Variants in SNAPC3 observed in about 807,000 individuals in gnomAD.
SNAPC3 encodes small nuclear RNA activating complex polypeptide 3.
In SNAPC3, 56 loss-of-function variants were observed where a neutral mutation model predicts 47.7. The ratio of observed to expected loss-of-function variants is 1.18; its 90% CI spans 0.95 to 1.47. The LOEUF (loss-of-function observed/expected upper bound fraction) is 1.47. Ranked by LOEUF, SNAPC3 falls within the 40% of genes most tolerant of loss-of-function variation. SNAPC3 has a pLI of 0.00. For synonymous variants in SNAPC3, 235 were observed against 189.9 expected (o/e 1.24, Z -1.95); for missense variants, 665 against 511.3 (o/e 1.30, Z -2.90).
Position 15,458,170 on chromosome 9 carries a change from T to A in SNAPC3, c.1088+103T>A, listed in dbSNP as rs1341350652. On this transcript the variant is annotated intron_variant, in intron 8 of 8. Coordinates refer to ENST00000380821, the MANE Select transcript of SNAPC3 (RefSeq NM_001039697.2). ...CTAAGAATATTTGTACTTTAGGTTA[T>A]AAATATGAAGTATCATCTAGTAGGG... The A allele has an allele frequency of 4.9e-6, 3 of 616,762 alleles. No homozygotes were observed. The East Asian group carries it at 9.1e-5, about 19-fold the overall frequency. 38.2% of individuals were successfully genotyped at this position (616,762 alleles called of 1,614,324 possible).
At chr9:15,448,567 T>C (rs2034122177) in intron 5 of SNAPC3, among the ~76,000 whole-genome samples, 1 of 152,222 alleles carries the variant, frequency 6.6e-6, no homozygotes, top group Non-Finnish European at 1.5e-5. Flanking sequence ...TTCAGTATGC[T>C]GATTCAGTGT....
At chr9:15,446,642 T>G (rs2033954185) in intron 4 of SNAPC3, among the ~76,000 whole-genome samples, 1 of 151,930 alleles carries the variant, frequency 6.6e-6, no homozygotes, top group Non-Finnish European at 1.5e-5. Context: ...GAAGCATCAT[T>G]CTCATTTAGG....
downstream of SNAPC3, chr9:15,464,186 C>T (rs1291529212): frequency 1.6e-5 from 3 of 188,944 alleles, no homozygotes; most frequent in Non-Finnish European, 2.2e-5. Context: ...GGTATATATG[C>T]AGGTTCTCTC....
rs145868665 is a variant in SNAPC3, at chr9:15,425,936, A to C, written c.392+1950A>C. Reference sequence around the variant, plus strand: ...GAGTGCAATGGTGCGATCCCGGCTCACGGCAACCTCCGCCTCCTAGGTTCA... The same window carrying C: ...GAGTGCAATGGTGCGATCCCGGCTCCCGGCAACCTCCGCCTCCTAGGTTCA... On this transcript the variant is annotated intron_variant, in intron 2 of 8. Coordinates refer to ENST00000380821, the MANE Select transcript of SNAPC3 (RefSeq NM_001039697.2). 1.3e-3 allele frequency among the ~76,000 whole-genome samples: 193 copies of C among 152,306 alleles called. 2 individuals carry two copies. In the South Asian group the frequency reaches 0.02, roughly 16 times the overall value.
At chr9:15,463,362 T>G (rs1325590453), downstream of SNAPC3, 1 of 151,132 alleles carries the variant, frequency 6.6e-6, no homozygotes, top group Non-Finnish European at 1.5e-5. Context: ...GGAGCTGGGA[T>G]TACAGGCACG....
chr9:15,452,009 T>G (rs1046376324), intron 6 of SNAPC3, among the ~76,000 whole-genome samples: 27 of 152,040 alleles, frequency 1.8e-4, no homozygotes, highest in Non-Finnish European at 3.1e-4. Flanking sequence ...TGTCACCCAG[T>G]CTGGAGTATG....
chr9:15,440,082 C>G (rs1424243094), intron 3 of SNAPC3, among the ~76,000 whole-genome samples: 1 of 152,182 alleles, frequency 6.6e-6, no homozygotes, highest in African/African-American at 2.4e-5. Context: ...TTGTCTGTCC[C>G]TCTTTGGGTT....
At position 15,461,338 on chromosome 9, in the gene SNAPC3, T is replaced by G. The variant is rs923141553; in HGVS notation, c.*1472T>G. ...CACCATGGCGGGCTAATTTTTTTATTTCTTGTAGATACAGGGTTTCACTAT... is the reference window on the plus strand; with the variant it reads ...CACCATGGCGGGCTAATTTTTTTATGTCTTGTAGATACAGGGTTTCACTAT... On this transcript the variant is annotated 3_prime_UTR_variant, in exon 9 of 9. Coordinates refer to ENST00000380821, the MANE Select transcript of SNAPC3 (RefSeq NM_001039697.2). 3.3e-5 allele frequency: 5 copies of G among 152,198 alleles called. No homozygotes were observed. Among genetic ancestry groups the G allele is most frequent in the African/African-American group, 1.2e-4 (5 of 41,440 alleles). The allele number at this position is 152,198 out of a possible 1,614,324, so 9.4% of individuals were successfully genotyped here. A position where few individuals can be genotyped will look rare whatever the true frequency, so the allele number is the denominator to read the frequency against.
intron 2 of SNAPC3, 80 bp downstream of exon 2, chr9:15,424,066 A>G: frequency 1.3e-6 from 1 of 776,248 alleles, no homozygotes; most frequent in Non-Finnish European, 2.1e-6. Flanking sequence ...AAAGTGCAGT[A>G]TTGATTGTTG....
downstream of SNAPC3, chr9:15,463,497 GTGGGGT>G (rs1207823106): frequency 5.4e-3 from 75 of 13,818 alleles, no homozygotes; most frequent in African/African-American, 0.019. Flanking sequence ...TTTTGGAGGG[GTGGGGT>G]GGGGTGGGGT....
Position 15,458,071 on chromosome 9 carries a change from A to G in SNAPC3, c.1088+4A>G. 7.0e-7 allele frequency: 1 copy of G among 1,432,356 alleles called. No individual in the cohort carries two copies. The highest frequency in any genetic ancestry group is 1.3e-5 in the South Asian group (1 of 76,350). The allele number at this position is 1,432,356 out of a possible 1,614,324, so 88.7% of individuals were successfully genotyped here. A position where few individuals can be genotyped will look rare whatever the true frequency, so the allele number is the denominator to read the frequency against. On this transcript the variant is annotated splice_donor_region_variant and intron_variant, in intron 8 of 8. Transcript: ENST00000380821. ...TTTGTAAAATGTATACAGCCAGGTG[A>G]GTGATAATGTATTTTTTTTTTTCTC...
At chr9:15,463,517 GT>G (rs2035387273), downstream of SNAPC3, 1 of 133,802 alleles carries the variant, frequency 7.5e-6, no homozygotes, top group Admixed American at 7.9e-5. Flanking sequence ...GTGGGGTGGG[GT>G]GGGGTGGGGG....
chr9:15,423,262 T>G, intron 1 of SNAPC3, 69 bp downstream of exon 1: 1 of 1,422,382 alleles, frequency 7.0e-7, no homozygotes, highest in Admixed American at 2.8e-5. Context: ...CGTGCGCTCC[T>G]CTGGGACTCA....
chr9:15,454,921 A>T lies in SNAPC3; in HGVS notation c.980+1716A>T, dbSNP rs189479198. Among the ~76,000 whole-genome samples, 5 of 152,304 alleles carry T rather than the reference A, an allele frequency of 3.3e-5. No individual in the cohort carries two copies. The East Asian group carries it at 7.7e-4, about 24-fold the overall frequency. On this transcript the variant is annotated intron_variant, in intron 7 of 8. Coordinates refer to ENST00000380821, the MANE Select transcript of SNAPC3 (RefSeq NM_001039697.2). ...TGCACTCCAGCTTGGGTGACAGAGC[A>T]AGACTCCATATCAAAAAATAAATAA...
At chr9:15,427,297 A>G (rs867079143) in intron 2 of SNAPC3, among the ~76,000 whole-genome samples, 7 of 152,314 alleles carry the variant, frequency 4.6e-5, no homozygotes, top group Middle Eastern at 6.8e-3. Context: ...GGGTGCTGCT[A>G]AAACTTACTT....
rs758927321 is a variant in SNAPC3 at position 15,433,678 on chromosome 9, CA to C, written c.477+43del. On this transcript the variant is annotated intron_variant, in intron 3 of 8. Transcript: ENST00000380821. ...TCTTTTTCACCCTTTTCTCTTAAAA[CA>C]GTAAACCGACATTGGCTGAGGGTTA... 83 of 1,244,832 alleles carry C rather than the reference CA, an allele frequency of 6.7e-5. No individual in the cohort carries two copies. In the African/African-American group the frequency reaches 1.2e-3, roughly 18 times the overall value. 77.1% of individuals were successfully genotyped at this position (1,244,832 alleles called of 1,614,324 possible).
chr9:15,437,147 TTATG>T (rs1041170192), intron 3 of SNAPC3, among the ~76,000 whole-genome samples: 2 of 152,030 alleles, frequency 1.3e-5, no homozygotes, highest in African/African-American at 4.8e-5. Context: ...TTTATACTCT[TTATG>T]TATACAACCC....
At chr9:15,447,031 G>T (rs868167867) in intron 4 of SNAPC3, 64 bp from the exon 5 acceptor site, 6 of 1,391,310 alleles carry the variant, frequency 4.3e-6, no homozygotes, top group Middle Eastern at 1.8e-4. Context: ...ATCTAGTCAT[G>T]ACAGGATTTG....
At chr9:15,442,138 C>T (rs1203116416) in intron 3 of SNAPC3, among the ~76,000 whole-genome samples, 5 of 149,594 alleles carry the variant, frequency 3.3e-5, no homozygotes, top group African/African-American at 9.9e-5. Flanking sequence ...CGGGACGGGG[C>T]GGCTGGCTGG....
Sources: gnomAD v4.1 joint callset for allele counts (sites outside exome capture counted in the v4.1 genomes callset) on GRCh38, gnomAD v4.1.1 for gene constraint, MANE v1.5 for transcripts, NCBI Gene and HGNC (gene_info 2026-07-23, HGNC 2026-07-21) for gene names.